The following SCN2A variants were observed in gnomAD, a reference collection of about 807,000 sequenced individuals.
SCN2A encodes the protein sodium voltage-gated channel alpha subunit 2.
In SCN2A, 20 loss-of-function variants were observed where a neutral mutation model predicts 188.7. The ratio of observed to expected loss-of-function variants is 0.11; its 90% CI spans 0.07 to 0.15. The LOEUF (loss-of-function observed/expected upper bound fraction) is 0.15, where lower values mean the gene tolerates loss of function less well. SCN2A is among the 10% of genes least tolerant of loss of function. SCN2A has a pLI of 1.00. For synonymous variants in SCN2A, 804 were observed against 833.1 expected (o/e 0.97, Z 0.60); for missense variants, 1,278 against 2,445.0 (o/e 0.52, Z 10.07).
chr2:165,280,264 G>A (rs912269303), intron 1 of SCN2A, among the ~76,000 whole-genome samples: 8 of 152,092 alleles, frequency 5.3e-5, no homozygotes, highest in Non-Finnish European at 8.8e-5. Context: ...TATGCAATAC[G>A]ATTATTTATC....
At chr2:165,309,089 T>C (rs1282782459) in intron 5 of SCN2A, 1 of 1,494,336 alleles carries the variant, frequency 6.7e-7, no homozygotes, top group Non-Finnish European at 9.3e-7. Context: ...CTCATGAAAT[T>C]AAAAAGGTCT....
chr2:165,309,269 T>C lies in SCN2A; in HGVS notation c.606-83T>C, dbSNP rs376381203. 1.9e-6 allele frequency: 3 copies of C among 1,613,218 alleles called. No individual in the cohort carries two copies. The African/African-American group carries it at 4.0e-5, about 22-fold the overall frequency. ...TCTGTAATTCCAGGTAAGAAGAAAA[T>C]GGTATAAGGTGGTAGGCCCCTTATA... On this transcript the variant is annotated intron_variant, in intron 5 of 26. Transcript: ENST00000375437.
intron 1 of SCN2A, among the ~76,000 whole-genome samples, chr2:165,246,862 C>G (rs1359475674): frequency 6.6e-6 from 1 of 152,116 alleles, no homozygotes; most frequent in East Asian, 1.9e-4. Flanking sequence ...CACTTACTCT[C>G]CCAGGTTCTT....
chr2:165,374,433 T>A (rs1701206413), intron 21 of SCN2A, among the ~76,000 whole-genome samples: 1 of 152,102 alleles, frequency 6.6e-6, no homozygotes, highest in South Asian at 2.1e-4. Context: ...AGTTCCATCC[T>A]TTGAGGTAAA....
chr2:165,324,000 C>T (rs991186014), intron 12 of SCN2A, among the ~76,000 whole-genome samples: 1 of 152,162 alleles, frequency 6.6e-6, no homozygotes, highest in African/African-American at 2.4e-5. Flanking sequence ...AGCATCCACT[C>T]TAATGATCTC....
chr2:165,260,938 C>G (rs1385421369), intron 1 of SCN2A, among the ~76,000 whole-genome samples: 12 of 142,858 alleles, frequency 8.4e-5, no homozygotes, highest in Admixed American at 7.5e-4. Flanking sequence ...CCACTGCACT[C>G]CAGCCTGGGT....
At chr2:165,292,120 C>G (rs1473216041) in intron 1 of SCN2A, among the ~76,000 whole-genome samples, 2 of 152,156 alleles carry the variant, frequency 1.3e-5, no homozygotes, top group Non-Finnish European at 2.9e-5. Context: ...GTAACATCAG[C>G]TGAGCTCTTG....
At chr2:165,382,894 A>G (rs986038431) in intron 25 of SCN2A, among the ~76,000 whole-genome samples, 4 of 152,208 alleles carry the variant, frequency 2.6e-5, no homozygotes, top group Non-Finnish European at 5.9e-5. Flanking sequence ...GAGGCCTTGC[A>G]TACTTCATCA....
chr2:165,269,602 G>A (rs552114969), intron 1 of SCN2A: 2 of 152,034 alleles, frequency 1.3e-5, no homozygotes, highest in South Asian at 4.1e-4. Context: ...GCCTTAGTAA[G>A]ATTTCAACAA....
chr2:165,297,018 C>T lies in SCN2A; in HGVS notation c.269C>T (p.Thr90Met), dbSNP rs1696547646. ...TATGTGTTGTGTTTTCTTTTTCAGACGTTTATAGTATTGAATAAAGGGAAA... is the reference window on the plus strand; with the variant it reads ...TATGTGTTGTGTTTTCTTTTTCAGATGTTTATAGTATTGAATAAAGGGAAA... ...DLDPYYINKK[T>M]FIVLNKGKAI... The change falls in exon 3 of 27, where the codon ACG becomes ATG. Residue 90 changes from threonine (T) to methionine (M), a missense_variant and splice_region_variant. Thr to Met is a moderately conservative substitution (Grantham distance 81, BLOSUM62 -1). Transcript: ENST00000375437. 2.6e-6 allele frequency: 4 copies of T among 1,545,030 alleles called. No individual in the cohort carries two copies. Among genetic ancestry groups the T allele is most frequent in the Admixed American group, 1.7e-5 (1 of 59,282 alleles).
intron 1 of SCN2A, among the ~76,000 whole-genome samples, chr2:165,241,549 G>A (rs1056218997): frequency 6.6e-6 from 1 of 152,208 alleles, no homozygotes; most frequent in Non-Finnish European, 1.5e-5. Context: ...GGATTAAAAT[G>A]TGTCATGTCT....
intron 11 of SCN2A, among the ~76,000 whole-genome samples, chr2:165,322,683 G>A (rs181915081): frequency 6.4e-4 from 97 of 152,258 alleles, no homozygotes; most frequent in African/African-American, 2.1e-3. Context: ...TTTCCTCCAT[G>A]GTAAGATTTG....
chr2:165,278,801 T>G (rs1451565963), intron 1 of SCN2A, among the ~76,000 whole-genome samples: 1 of 152,088 alleles, frequency 6.6e-6, no homozygotes, highest in African/African-American at 2.4e-5. Context: ...TATGGTGGTG[T>G]GCACTATAGT....
At chr2:165,338,306 C>T (rs11677721) in intron 14 of SCN2A, among the ~76,000 whole-genome samples, 47,143 of 148,514 alleles carry the variant, frequency 0.32, 7,906 homozygotes, top group Middle Eastern at 0.49. Flanking sequence ...CTCGCCCAGG[C>T]TGGAGTGCAG....
intron 24 of SCN2A, 143 bp from the exon 25 acceptor site, chr2:165,380,950 T>C: frequency 1.4e-6 from 1 of 694,188 alleles, no homozygotes. Flanking sequence ...ATAATTTATA[T>C]ATTGAATAAA....
Position 165,388,969 on chromosome 2 carries a change from A to G in SCN2A, c.5163A>G (p.Ala1721=). 1.9e-6 allele frequency: 3 copies of G among 1,614,096 alleles called. No individual in the cohort carries two copies. The highest frequency in any genetic ancestry group is 2.2e-5 in the East Asian group (1 of 44,872). Residue 1721 remains alanine, a synonymous_variant, in exon 27 of 27, where the codon GCA becomes GCG. Coordinates refer to ENST00000375437, the MANE Select transcript of SCN2A (RefSeq NM_001040142.2). Reference sequence around the variant, plus strand: ...CTGCTGGCTGGGATGGATTGCTAGCACCTATTCTTAATAGTGGACCTCCAG... The same window carrying G: ...CTGCTGGCTGGGATGGATTGCTAGCGCCTATTCTTAATAGTGGACCTCCAG... ...TTSAGWDGLL[A]PILNSGPPDC...
chr2:165,358,460 G>A (rs1700289011), intron 17 of SCN2A, among the ~76,000 whole-genome samples: 1 of 151,980 alleles, frequency 6.6e-6, no homozygotes, highest in Admixed American at 6.6e-5. Context: ...AGGGAAAATG[G>A]CACTGCTTTA....
At chr2:165,287,733 G>A (rs1425195650) in intron 1 of SCN2A, among the ~76,000 whole-genome samples, 1 of 151,984 alleles carries the variant, frequency 6.6e-6, no homozygotes, top group Non-Finnish European at 1.5e-5. Flanking sequence ...CACCTCTTTG[G>A]GTTCTTAAAG....
chr2:165,302,078 C>G (rs1389683931), intron 3 of SCN2A, among the ~76,000 whole-genome samples: 1 of 152,136 alleles, frequency 6.6e-6, no homozygotes, highest in African/African-American at 2.4e-5. Flanking sequence ...TTCTTAGTTG[C>G]TCCAACTTAC....
Sources: allele counts gnomAD v4.1 joint callset (sites outside exome capture counted in the v4.1 genomes callset), GRCh38; gene constraint gnomAD v4.1.1; transcripts MANE v1.5; gene names NCBI Gene and HGNC (gene_info 2026-07-23, HGNC 2026-07-21).